The following MBP variants were observed in gnomAD, a reference collection of about 807,000 sequenced individuals.
The protein encoded by MBP is myelin basic protein.
A neutral mutation model predicts 35.8 loss-of-function variants in MBP; 16 were observed. The ratio of observed to expected loss-of-function variants is 0.45; its 90% confidence interval spans 0.30 to 0.68. The LOEUF is 0.68. Ranked by LOEUF, MBP falls within the 30% of genes least tolerant of loss-of-function variation. MBP has a pLI of 0.08. For missense variants in MBP, 380 were observed against 404.7 expected (o/e 0.94, Z 0.52); for synonymous variants, 143 against 159.6 (o/e 0.90, Z 0.78).
chr18:76,980,453 A>G lies in MBP; in HGVS notation c.889T>C (p.Ser297Pro). The change falls in exon 9 of 9, where the codon TCT becomes CCT. Residue 297 changes from serine to proline, a missense_variant. By Grantham distance (74) the Ser-to-Pro change is moderately conservative. Transcript: ENST00000355994. ...IFKLGGRDSR[S>P]GSPMARR ...CAGCGTCTAGCCATGGGTGATCCAG[A>G]GCGACTATCTCTTCCTCCCTGAAAA... 6.2e-7 allele frequency: 1 copy of G among 1,613,696 alleles called. No individual in the cohort carries two copies. The highest frequency in any genetic ancestry group is 8.5e-7 in the Non-Finnish European group (1 of 1,179,806).
At chr18:77,105,889 C>G (rs1188938121) in intron 1 of MBP, among the ~76,000 whole-genome samples, 1 of 152,200 alleles carries the variant, frequency 6.6e-6, no homozygotes, top group African/African-American at 2.4e-5. Flanking sequence ...TTTTTATTTT[C>G]TAACCCAAAC....
rs62104271 is a variant in MBP, at chr18:77,055,173, T to C, written c.139+11125A>G. ...TGCGTGTCTGTACCACCTTCTGTGG[T>C]AGAGAAAACAGCAGGCGGCTTTGCT... On this transcript the variant is annotated intron_variant, in intron 3 of 8. Transcript: ENST00000355994. 9.9e-3 allele frequency among the ~76,000 whole-genome samples: 1,509 copies of C among 152,292 alleles called. 8 individuals are homozygous for C. The highest frequency in any genetic ancestry group is 0.016 in the Non-Finnish European group (1,056 of 68,022).
At chr18:77,011,906 T>G (rs2123422248) in intron 4 of MBP, among the ~76,000 whole-genome samples, 1 of 152,338 alleles carries the variant, frequency 6.6e-6, no homozygotes, top group South Asian at 2.1e-4. Flanking sequence ...ACGAGTGCTA[T>G]TGTGTGTTTT....
At chr18:77,109,833 AGCT>A (rs1976392973) in intron 1 of MBP, 2 of 152,214 alleles carry the variant, frequency 1.3e-5, no homozygotes, top group African/African-American at 2.4e-5. Flanking sequence ...CATTGTGTAG[AGCT>A]GCAGGGTATA....
At position 76,988,812 on chromosome 18, in the gene MBP, T is replaced by C. The variant is rs1225595513; in HGVS notation, c.717+65A>G. On this transcript the variant is annotated intron_variant, in intron 6 of 8. Transcript: ENST00000355994. This position sits in a 1 kb window ranked among gnomAD's most constrained non-coding sequence, Gnocchi z 5.2. The stretch of plus-strand genomic sequence containing the variant: ...GGAGCCTAACTCTCTCTTTGGTACA[T>C]TATGGGATTTTAGAGAAGGTCTATC... The C allele has an allele frequency of 6.5e-7, 1 of 1,532,248 alleles. No individual in the cohort carries two copies. The highest frequency in any genetic ancestry group is 8.9e-7 in the Non-Finnish European group (1 of 1,119,700). 94.9% of individuals were successfully genotyped at this position (1,532,248 alleles called of 1,614,324 possible).
At chr18:77,024,036 A>AC (rs561071941) in intron 3 of MBP, among the ~76,000 whole-genome samples, 70 of 151,758 alleles carry the variant, frequency 4.6e-4, no homozygotes, top group African/African-American at 1.4e-3. Context: ...AAGACACCAA[A>AC]CCCCCCACTC....
At chr18:77,083,803 C>T (rs1012881077) in intron 2 of MBP, among the ~76,000 whole-genome samples, 21 of 152,060 alleles carry the variant, frequency 1.4e-4, no homozygotes, top group African/African-American at 4.6e-4. Context: ...AAGAGCGAAC[C>T]CTACAGACAA....
chr18:77,026,898 A>G (rs1201205192), intron 3 of MBP, among the ~76,000 whole-genome samples: 2 of 152,134 alleles, frequency 1.3e-5, no homozygotes, highest in African/African-American at 4.8e-5. Flanking sequence ...CTGTCAAAAT[A>G]TCTGGTGGAC....
chr18:77,120,890 G>A (rs1451844204), intron 1 of MBP, among the ~76,000 whole-genome samples: 5 of 152,212 alleles, frequency 3.3e-5, no homozygotes, highest in Non-Finnish European at 7.3e-5. Flanking sequence ...TTAGGACCCC[G>A]TGAGGATCAA....
At chr18:76,987,384 G>A in intron 7 of MBP, 1 of 985,454 alleles carries the variant, frequency 1.0e-6, no homozygotes, top group Non-Finnish European at 1.2e-6. Flanking sequence ...GAAAAAGCAA[G>A]TCAAATATGC....
chr18:77,019,948 G>A (rs1245936425), intron 3 of MBP, among the ~76,000 whole-genome samples: 1 of 152,196 alleles, frequency 6.6e-6, no homozygotes, highest in Non-Finnish European at 1.5e-5. Flanking sequence ...AGGCAGGAGG[G>A]CCTGTGCAGG....
chr18:77,012,611 C>T (rs138995888), intron 4 of MBP, among the ~76,000 whole-genome samples: 120 of 152,270 alleles, frequency 7.9e-4, no homozygotes, highest in African/African-American at 2.8e-3. Flanking sequence ...GTAGTAAAAG[C>T]AGATGAGTGA....
At chr18:77,001,641 A>G (rs1970640717) in intron 4 of MBP, among the ~76,000 whole-genome samples, 1 of 152,214 alleles carries the variant, frequency 6.6e-6, no homozygotes, top group South Asian at 2.1e-4. Context: ...ACCTGAGATC[A>G]GGAGTTTGAG....
intron 2 of MBP, among the ~76,000 whole-genome samples, chr18:77,096,077 G>C (rs1975746425): frequency 6.6e-6 from 1 of 152,230 alleles, no homozygotes; most frequent in Admixed American, 6.5e-5. Flanking sequence ...TTGCACGTAG[G>C]ATAAAATGTT....
intron 3 of MBP, among the ~76,000 whole-genome samples, chr18:77,024,764 C>G (rs1465150831): frequency 6.6e-6 from 1 of 152,276 alleles, no homozygotes; most frequent in Non-Finnish European, 1.5e-5. Context: ...CGACCTCAGT[C>G]CCAACACTGA....
chr18:77,005,323 G>T (rs1309507201), intron 4 of MBP: 3 of 152,250 alleles, frequency 2.0e-5, no homozygotes, highest in East Asian at 3.9e-4. Context: ...GGCCTCTCTG[G>T]TTGGCACCTT....
intron 3 of MBP, among the ~76,000 whole-genome samples, chr18:77,026,119 C>T (rs1485248778): frequency 6.6e-6 from 1 of 152,258 alleles, no homozygotes; most frequent in Non-Finnish European, 1.5e-5. Flanking sequence ...TTTGTGCTTC[C>T]AATGCTTCTG....
chr18:77,029,115 G>A lies in MBP; in HGVS notation c.140-11847C>T, dbSNP rs1266785345. ...GATCTCGCCACTGCACCCCAGCCTG[G>A]GCACCATTGAGCACTGAGTGAACGA... On this transcript the variant is annotated intron_variant, in intron 3 of 8. Transcript: ENST00000355994. 5.7e-5 allele frequency among the ~76,000 whole-genome samples: 6 copies of A among 106,152 alleles called. 2 individuals are homozygous for A. 69.6% of individuals were successfully genotyped at this position (106,152 alleles called of 152,430 possible). A position where few individuals can be genotyped will look rare whatever the true frequency, so the allele number is the denominator to read the frequency against.
chr18:77,112,189 ACGTGCGCGCGCGG>A (rs1279765045), intron 1 of MBP, among the ~76,000 whole-genome samples: 6 of 151,842 alleles, frequency 4.0e-5, no homozygotes, highest in Non-Finnish European at 7.4e-5. Context: ...ACACACACAC[ACGTGCGCGCGCGG>A]CAAAAAGAAA....
Sources: allele counts gnomAD v4.1 joint callset (sites outside exome capture counted in the v4.1 genomes callset), GRCh38; gene constraint gnomAD v4.1.1; non-coding constraint Gnocchi (gnomAD v3.1); transcripts MANE v1.5; gene names NCBI Gene and HGNC (gene_info 2026-07-23, HGNC 2026-07-21).